CADM2: variants seen among roughly 807,000 people sequenced by gnomAD.
CADM2 encodes cell adhesion molecule 2.
Under a neutral mutation model 49.8 loss-of-function variants are expected in CADM2, and 12 were observed. The observed-to-expected ratio is 0.24, with a 90% CI of 0.15 to 0.39. CADM2 has a LOEUF of 0.39. CADM2 is among the 10% of genes least tolerant of loss of function. CADM2 has a pLI of 1.00. For missense variants in CADM2, 378 were observed against 492.3 expected, an observed-to-expected ratio of 0.77 and a Z score of 2.20; for synonymous variants, 214 against 175.4, an observed-to-expected ratio of 1.22 and a Z score of -1.74.
chr3:85,897,837 T>C (rs1715462035), intron 5 of CADM2, among the ~76,000 whole-genome samples: 1 of 152,164 alleles, frequency 6.6e-6, no homozygotes, highest in Non-Finnish European at 1.5e-5. Flanking sequence ...AAATTAAACA[T>C]AAAAGAAGAG....
intron 1 of CADM2, among the ~76,000 whole-genome samples, chr3:85,062,934 T>C (rs2036389033): frequency 6.6e-6 from 1 of 151,718 alleles, no homozygotes; most frequent in African/African-American, 2.4e-5. Flanking sequence ...TTTAGACTAT[T>C]TGATTTGAAT....
chr3:85,791,544 AAGAG>A (rs71112119), intron 2 of CADM2, among the ~76,000 whole-genome samples: 5,004 of 99,844 alleles, frequency 0.05, 158 homozygotes, highest in African/African-American at 0.098. Flanking sequence ...GAGAGAGAGA[AAGAG>A]AGAGAGAGAG....
At chr3:85,083,011 G>A (rs2037228214) in intron 1 of CADM2, among the ~76,000 whole-genome samples, 1 of 152,096 alleles carries the variant, frequency 6.6e-6, no homozygotes, top group South Asian at 2.1e-4. Context: ...CGAGAATGCT[G>A]TATTTGGTTG....
chr3:85,760,978 C>T lies in CADM2; in HGVS notation c.88+34430C>T, dbSNP rs559723430. ...AGAAATAGAAAACTGATTTATATCA[C>T]GCATGAGTCCTACTGTTAGTATTTT... is the stretch of plus-strand genomic sequence containing the variant. On this transcript the variant is annotated intron_variant, in intron 2 of 9. Transcript: ENST00000383699. 3.3e-4 allele frequency among the ~76,000 whole-genome samples: 51 copies of T among 152,244 alleles called. No individual in the cohort carries two copies. In the South Asian group the frequency reaches 4.1e-3, roughly 12 times the overall value.
intron 1 of CADM2, among the ~76,000 whole-genome samples, chr3:84,986,714 T>G (rs1211726819): frequency 1.3e-5 from 2 of 151,542 alleles, no homozygotes; most frequent in Non-Finnish European, 2.9e-5. Flanking sequence ...GTAACTAACC[T>G]GCACATTGTG....
intron 3 of CADM2, among the ~76,000 whole-genome samples, chr3:85,819,141 G>A (rs1019455688): frequency 3.3e-5 from 5 of 152,264 alleles, no homozygotes; most frequent in South Asian, 2.1e-4. Flanking sequence ...CCTAGAGTCC[G>A]ATGTTCAAGG....
intron 1 of CADM2, among the ~76,000 whole-genome samples, chr3:85,321,110 ATAT>A (rs2044591175): frequency 3.0e-5 from 1 of 33,726 alleles, no homozygotes; most frequent in Non-Finnish European, 6.2e-5. Flanking sequence ...ATATATATAT[ATAT>A]ATATTTTTTT....
At chr3:84,966,202 G>C (rs1279323893) in intron 1 of CADM2, among the ~76,000 whole-genome samples, 1 of 152,074 alleles carries the variant, frequency 6.6e-6, no homozygotes, top group Admixed American at 6.6e-5. Flanking sequence ...TAAATATTCT[G>C]CTTAAGTAGG....
intron 1 of CADM2, among the ~76,000 whole-genome samples, chr3:85,264,864 C>T (rs2043088289): frequency 6.6e-6 from 1 of 151,892 alleles, no homozygotes; most frequent in Non-Finnish European, 1.5e-5. Context: ...AAGAAGTTGG[C>T]CAAATTCCTG....
intron 1 of CADM2, among the ~76,000 whole-genome samples, chr3:84,998,930 C>T (rs532828996): frequency 1.6e-4 from 24 of 152,156 alleles, no homozygotes; most frequent in South Asian, 6.2e-4. Context: ...TGATCTAATA[C>T]TGTGGGAATA....
At chr3:85,797,725 T>C (rs938351134) in intron 2 of CADM2, among the ~76,000 whole-genome samples, 2 of 152,238 alleles carry the variant, frequency 1.3e-5, no homozygotes, top group Non-Finnish European at 2.9e-5. Context: ...AACATGTGTG[T>C]GCATGTGTCT....
At chr3:85,886,847 A>C (rs1028395348) in intron 5 of CADM2, among the ~76,000 whole-genome samples, 1 of 152,168 alleles carries the variant, frequency 6.6e-6, no homozygotes, top group East Asian at 1.9e-4. Context: ...TAAATTCTTT[A>C]TACATCTAAA....
At chr3:86,010,692 A>G (rs1257227955) in intron 8 of CADM2, among the ~76,000 whole-genome samples, 1 of 151,420 alleles carries the variant, frequency 6.6e-6, no homozygotes, top group Non-Finnish European at 1.5e-5. Context: ...TTAAAAATAA[A>G]TAGAACATAA....
chr3:85,368,519 T>G lies in CADM2; in HGVS notation c.62-358003T>G, dbSNP rs974172413. 1.8e-4 allele frequency among the ~76,000 whole-genome samples: 27 copies of G among 150,448 alleles called. 1 individual carries two copies. The highest frequency in any genetic ancestry group is 6.6e-4 in the African/African-American group (27 of 41,118). ...ATTCATATGTGTGTATATATATACA[T>G]GAATATTAATATATATTAATATATA... On this transcript the variant is annotated intron_variant, in intron 1 of 9. Coordinates refer to ENST00000383699, the MANE Select transcript of CADM2 (RefSeq NM_001167675.2).
At chr3:86,019,440 T>C (rs1333844409) in intron 8 of CADM2, among the ~76,000 whole-genome samples, 10 of 151,318 alleles carry the variant, frequency 6.6e-5, no homozygotes, top group Non-Finnish European at 1.2e-4. Flanking sequence ...TTGATGGGGA[T>C]GGCATTGAAT....
chr3:85,291,106 G>C (rs559934347), intron 1 of CADM2, among the ~76,000 whole-genome samples: 5 of 152,284 alleles, frequency 3.3e-5, no homozygotes, highest in African/African-American at 9.6e-5. Flanking sequence ...AGCTGATGGA[G>C]CTGAAAACCA....
chr3:85,694,228 T>C (rs1462112217), intron 1 of CADM2, among the ~76,000 whole-genome samples: 2 of 152,194 alleles, frequency 1.3e-5, no homozygotes, highest in African/African-American at 4.8e-5. Context: ...CTACCTCCCA[T>C]TCATATGTTG....
chr3:84,982,737 A>ATATATATG (rs1553663805), intron 1 of CADM2, among the ~76,000 whole-genome samples: 10 of 115,336 alleles, frequency 8.7e-5, no homozygotes, highest in African/African-American at 1.4e-4. Context: ...ATATATATAC[A>ATATATATG]TTTTTTGTTT....
chr3:85,928,801 A>T (rs1720235937), intron 6 of CADM2, among the ~76,000 whole-genome samples: 1 of 152,162 alleles, frequency 6.6e-6, no homozygotes, highest in African/African-American at 2.4e-5. Flanking sequence ...ATTTATTTAC[A>T]CAACACTTAA....
Sources: allele counts gnomAD v4.1 joint callset (sites outside exome capture counted in the v4.1 genomes callset), GRCh38; gene constraint gnomAD v4.1.1; transcripts MANE v1.5; gene names NCBI Gene and HGNC (gene_info 2026-07-23, HGNC 2026-07-21).